MBTPS1: variants seen among roughly 807,000 people sequenced by gnomAD.
MBTPS1 encodes membrane-bound transcription factor site-1 protease.
A neutral mutation model predicts 127.8 loss-of-function variants in MBTPS1; 94 were observed. The ratio of observed to expected loss-of-function variants is 0.74; its 90% confidence interval spans 0.62 to 0.87. MBTPS1 has a LOEUF of 0.87. MBTPS1 is among the 40% of genes least tolerant of loss of function. MBTPS1 has a pLI of 0.00. For synonymous variants in MBTPS1, 632 were observed against 509.4 expected (o/e 1.24, Z -3.24); for missense variants, 1,636 against 1,353.2 (o/e 1.21, Z -3.28).
intron 11 of MBTPS1, 117 bp downstream of exon 11, chr16:84,081,630 A>C (rs1366907560): frequency 7.3e-6 from 6 of 827,222 alleles, no homozygotes; most frequent in African/African-American, 1.7e-5. Context: ...AAGCACCCCG[A>C]GAATTCTGTG....
At chr16:84,054,700 G>A (rs1213096567) in intron 22 of MBTPS1, 55 bp from the exon 23 acceptor site, 1 of 1,386,628 alleles carries the variant, frequency 7.2e-7, no homozygotes. Context: ...TACCATGACG[G>A]CCTTTTTCTA....
At chr16:84,067,123 A>G (rs2085696519) in intron 16 of MBTPS1, among the ~76,000 whole-genome samples, 1 of 152,174 alleles carries the variant, frequency 6.6e-6, no homozygotes, top group Non-Finnish European at 1.5e-5. Context: ...TACTCGAAAT[A>G]TTCTTTAAGA....
At chr16:84,113,805 C>G (rs1180274970) in intron 1 of MBTPS1, among the ~76,000 whole-genome samples, 1 of 152,042 alleles carries the variant, frequency 6.6e-6, no homozygotes, top group African/African-American at 2.4e-5. Context: ...GTGTTTAGAC[C>G]ACGAAAGGTT....
chr16:84,110,830 G>A (rs1451066221), intron 1 of MBTPS1: 1 of 152,120 alleles, frequency 6.6e-6, no homozygotes, highest in African/African-American at 2.4e-5. Context: ...TCTCCCCTAG[G>A]GATTCAATCC....
In MBTPS1 at chr16:84,070,741, G is replaced by C. The variant is rs766163584; in HGVS notation, c.1629C>G (p.Asp543Glu). Residue 543 changes from aspartate (D) to glutamate (E), a missense_variant, in exon 13 of 23, where the codon GAC becomes GAG. Physicochemically the swap from Asp to Glu is conservative, Grantham distance 45 (BLOSUM62 2). Coordinates refer to ENST00000343411, the MANE Select transcript of MBTPS1 (RefSeq NM_003791.4). The stretch of plus-strand genomic sequence containing the variant: ...AGTAGGAGAAGGCAACTTCAATGTT[G>C]TCTCCGTTCTGTGGCAAATAGGGCT... ...DWQPYLPQNGDNIEVAFSYSS... is the reference protein window; with the variant it reads ...DWQPYLPQNGENIEVAFSYSS... 1.9e-6 allele frequency: 3 copies of C among 1,613,682 alleles called. No individual in the cohort carries two copies. The highest frequency in any genetic ancestry group is 2.5e-6 in the Non-Finnish European group (3 of 1,179,814).
At chr16:84,089,081 G>A (rs1192609373) in intron 8 of MBTPS1, among the ~76,000 whole-genome samples, 2 of 152,248 alleles carry the variant, frequency 1.3e-5, no homozygotes, top group Non-Finnish European at 2.9e-5. Context: ...AACAGCATGC[G>A]AAAGAGCTGG....
intron 18 of MBTPS1, 109 bp from the exon 19 acceptor site, chr16:84,063,554 T>C: frequency 1.8e-6 from 2 of 1,099,866 alleles, no homozygotes; most frequent in East Asian, 5.0e-5. Flanking sequence ...CAAAATCTAA[T>C]ATTCAATTAA....
intron 11 of MBTPS1, among the ~76,000 whole-genome samples, chr16:84,081,312 T>C (rs923636518): frequency 4.6e-5 from 7 of 152,212 alleles, no homozygotes; most frequent in African/African-American, 1.7e-4. Flanking sequence ...GAGATGTATG[T>C]GGTCTGCAGG....
chr16:84,074,858 G>A (rs1402995449), intron 11 of MBTPS1, 117 bp from the exon 12 acceptor site: 1 of 920,170 alleles, frequency 1.1e-6, no homozygotes, highest in Non-Finnish European at 1.6e-6. Flanking sequence ...CTTGCTTACA[G>A]CGCTGCCCTA....
intron 1 of MBTPS1, among the ~76,000 whole-genome samples, chr16:84,113,343 A>G (rs1407661726): frequency 6.6e-6 from 1 of 152,248 alleles, no homozygotes; most frequent in Non-Finnish European, 1.5e-5. Flanking sequence ...CATAACGTTC[A>G]AAGATGGTAT....
rs762968189 is a variant in MBTPS1 at position 84,063,400 on chromosome 16, G to A, written c.2477C>T (p.Pro826Leu). 4.3e-6 allele frequency: 7 copies of A among 1,613,878 alleles called. No individual in the cohort carries two copies. The highest frequency in any genetic ancestry group is 5.9e-6 in the Non-Finnish European group (7 of 1,179,960). The change falls in exon 19 of 23, where the codon CCC (proline) becomes CTC (leucine). Residue 826 changes from proline (P) to leucine (L), a missense_variant. Coordinates refer to ENST00000343411, the MANE Select transcript of MBTPS1 (RefSeq NM_003791.4). ...TGGAATCTGATAAAGTCCCAAAATG[G>A]GGACGTTTTCAACAACTGCTGTTTC... ...KQETAVVENV[P>L]ILGLYQIPAE...
intron 21 of MBTPS1, chr16:84,057,846 T>C (rs1050962949): frequency 6.6e-6 from 1 of 152,172 alleles, no homozygotes; most frequent in African/African-American, 2.4e-5. Flanking sequence ...CGGTTCAGTA[T>C]GTGATGGATT....
intron 6 of MBTPS1, among the ~76,000 whole-genome samples, chr16:84,092,361 T>C (rs1449140296): frequency 6.6e-6 from 1 of 152,246 alleles, no homozygotes; most frequent in East Asian, 1.9e-4. Context: ...ACTTTGTGGA[T>C]CACCTTTAGC....
At chr16:84,081,960 T>C (rs1457995654) in intron 10 of MBTPS1, 52 bp from the exon 11 acceptor site, 2 of 1,313,626 alleles carry the variant, frequency 1.5e-6, no homozygotes, top group Non-Finnish European at 2.0e-6. Context: ...AGAATGGAAA[T>C]TGGACCACTA....
chr16:84,095,901 A>G (rs1159392097), intron 3 of MBTPS1, 96 bp from the exon 4 acceptor site: 1 of 942,334 alleles, frequency 1.1e-6, no homozygotes, highest in Non-Finnish European at 1.7e-6. Context: ...GAGGATTACC[A>G]TTTGCCACTC....
rs2086142431 is a variant in MBTPS1, at chr16:84,093,744, T to C, written c.703A>G (p.Thr235Ala). 2 of 1,614,150 alleles carry C rather than the reference T, an allele frequency of 1.2e-6. No individual in the cohort carries two copies. Among genetic ancestry groups the C allele is most frequent in the Non-Finnish European group, 1.7e-6 (2 of 1,179,980 alleles). Residue 235 changes from threonine to alanine, a missense_variant, in exon 5 of 23, where the codon ACC (threonine) becomes GCC (alanine). Coordinates refer to ENST00000343411, the MANE Select transcript of MBTPS1 (RefSeq NM_003791.4). ...AGCGTTCGCTCGTTGGTCCAGTTGG[T>C]TCTCTCCTTCACATTTTTGAAGTGG... Reference protein sequence around the residue: ...HPHFKNVKERTNWTNERTLDD... With the variant: ...HPHFKNVKERANWTNERTLDD...
At chr16:84,077,144 G>C (rs2085867649) in intron 11 of MBTPS1, among the ~76,000 whole-genome samples, 1 of 150,800 alleles carries the variant, frequency 6.6e-6, no homozygotes, top group Non-Finnish European at 1.5e-5. Context: ...ACAGTCACCT[G>C]AGCCCAGATG....
intron 11 of MBTPS1, among the ~76,000 whole-genome samples, chr16:84,075,917 A>G (rs2085848898): frequency 6.6e-6 from 1 of 152,222 alleles, no homozygotes; most frequent in Non-Finnish European, 1.5e-5. Context: ...CCATGTGACT[A>G]CAATTGTATG....
At chr16:84,097,653 C>T (rs1457173144) in intron 3 of MBTPS1, among the ~76,000 whole-genome samples, 4 of 152,126 alleles carry the variant, frequency 2.6e-5, no homozygotes, top group African/African-American at 9.7e-5. Flanking sequence ...ACTAAAATAC[C>T]GCAATGTATA....
Sources: allele counts gnomAD v4.1 joint callset (sites outside exome capture counted in the v4.1 genomes callset), GRCh38; gene constraint gnomAD v4.1.1; transcripts MANE v1.5; gene names NCBI Gene and HGNC (gene_info 2026-07-23, HGNC 2026-07-21).